PCP4L1: variants seen among roughly 807,000 people sequenced by gnomAD.
PCP4L1 encodes Purkinje cell protein 4 like 1.
Under a neutral mutation model 9.6 loss-of-function variants are expected in PCP4L1, and 9 were observed. The ratio of observed to expected loss-of-function variants is 0.94; its 90% CI spans 0.57 to 1.64. The LOEUF (loss-of-function observed/expected upper bound fraction) is 1.64. Among genes scored for constraint, PCP4L1 ranks in the 40% most tolerant of loss-of-function variants. The pLI is 0.00. For synonymous variants in PCP4L1, 31 were observed against 28.2 expected (o/e 1.10, Z -0.31); for missense variants, 81 against 80.8 (o/e 1.00, Z -0.01).
intron 1 of PCP4L1, among the ~76,000 whole-genome samples, chr1:161,281,730 G>C (rs1335112588): frequency 1.4e-5 from 2 of 141,286 alleles, no homozygotes; most frequent in African/African-American, 2.7e-5. Flanking sequence ...GGGCAGAGAC[G>C]CTCCTCACCT....
chr1:161,276,453 TAGG>T (rs1376489010), intron 1 of PCP4L1, among the ~76,000 whole-genome samples: 21 of 152,134 alleles, frequency 1.4e-4, no homozygotes, highest in African/African-American at 4.6e-4. Context: ...GAGGCTGAGA[TAGG>T]AGGATTGCTT....
At chr1:161,283,833 T>C in intron 2 of PCP4L1, 111 bp downstream of exon 2, 2 of 1,113,368 alleles carry the variant, frequency 1.8e-6, no homozygotes, top group South Asian at 2.9e-5. Context: ...AATAAGAATG[T>C]GGATAAGTGA....
intron 2 of PCP4L1, 70 bp downstream of exon 2, chr1:161,283,792 T>C: frequency 2.1e-6 from 3 of 1,458,090 alleles, no homozygotes; most frequent in South Asian, 2.5e-5. Context: ...GTAGGGTGAG[T>C]CTGGAATTTC....
chr1:161,276,874 C>T (rs4657007), intron 1 of PCP4L1, among the ~76,000 whole-genome samples: 69,563 of 151,790 alleles, frequency 0.46, 16,356 homozygotes, highest in East Asian at 0.64. Context: ...AATACAATAT[C>T]GCATTAGCAT....
intron 1 of PCP4L1, among the ~76,000 whole-genome samples, chr1:161,272,908 C>G (rs560140466): frequency 6.6e-5 from 10 of 152,130 alleles, no homozygotes; most frequent in Admixed American, 6.5e-4. Flanking sequence ...TGTGGTGCTT[C>G]TCTTTCCTGG....
At chr1:161,276,047 G>A (rs768296553) in intron 1 of PCP4L1, among the ~76,000 whole-genome samples, 7 of 151,958 alleles carry the variant, frequency 4.6e-5, no homozygotes, top group Non-Finnish European at 8.8e-5. Context: ...CGCCTGCTTC[G>A]GCCTCCCAAA....
At position 161,258,972 on chromosome 1, in the gene PCP4L1, G is replaced by C; in HGVS notation, c.-3G>C. The C allele has an allele frequency of 6.5e-7, 1 of 1,534,108 alleles. No homozygotes were observed. The highest frequency in any genetic ancestry group is 8.7e-7 in the Non-Finnish European group (1 of 1,145,890). Reference sequence around the variant, plus strand: ...GCCTCGCGCGCCCTGTCCGGCTGCGGAGATGAGCGAGGTGAGCGGTGCGGC... The same window carrying C: ...GCCTCGCGCGCCCTGTCCGGCTGCGCAGATGAGCGAGGTGAGCGGTGCGGC... On this transcript the variant is annotated 5_prime_UTR_variant, in exon 1 of 3. Transcript: ENST00000504449.
chr1:161,279,069 C>G (rs558168159), intron 1 of PCP4L1, among the ~76,000 whole-genome samples: 133 of 152,332 alleles, frequency 8.7e-4, no homozygotes, highest in Non-Finnish European at 1.3e-3. Flanking sequence ...AGGCATGAGC[C>G]ACTGCATCTG....
chr1:161,262,456 A>AG (rs5778201), intron 1 of PCP4L1, among the ~76,000 whole-genome samples: 23 of 150,770 alleles, frequency 1.5e-4, no homozygotes, highest in Admixed American at 2.6e-4. Flanking sequence ...AAAAAAAAAA[A>AG]GAAATGCCTT....
chr1:161,262,268 A>G (rs1349795341), intron 1 of PCP4L1, among the ~76,000 whole-genome samples: 1 of 151,820 alleles, frequency 6.6e-6, no homozygotes, highest in African/African-American at 2.4e-5. Flanking sequence ...CCCCATCTCT[A>G]CTAAAAATAC....
chr1:161,277,843 T>G (rs1669724004), intron 1 of PCP4L1, among the ~76,000 whole-genome samples: 1 of 152,230 alleles, frequency 6.6e-6, no homozygotes, highest in Non-Finnish European at 1.5e-5. Context: ...CCTTCTTCAC[T>G]CTCAGCTGAC....
intron 1 of PCP4L1, among the ~76,000 whole-genome samples, chr1:161,259,905 C>G (rs149360408): frequency 6.6e-6 from 1 of 152,170 alleles, no homozygotes; most frequent in Non-Finnish European, 1.5e-5. Context: ...CAGCTACTTA[C>G]CTGTGATGTA....
intron 1 of PCP4L1, among the ~76,000 whole-genome samples, chr1:161,266,398 C>T (rs1341880980): frequency 1.3e-5 from 2 of 152,218 alleles, no homozygotes; most frequent in Non-Finnish European, 2.9e-5. Flanking sequence ...CCCTAAACCT[C>T]AGTGTGGGGT....
chr1:161,258,875 C>A lies in PCP4L1; in HGVS notation c.-100C>A. 6.6e-7 allele frequency: 1 copy of A among 1,507,188 alleles called. No homozygotes were observed. Among genetic ancestry groups the A allele is most frequent in the Non-Finnish European group, 8.9e-7 (1 of 1,120,918 alleles). The allele number at this position is 1,507,188 out of a possible 1,614,324, so 93.4% of individuals were successfully genotyped here. A position where few individuals can be genotyped will look rare whatever the true frequency, so the allele number is the denominator to read the frequency against. On this transcript the variant is annotated 5_prime_UTR_variant, in exon 1 of 3. Transcript: ENST00000504449. The stretch of plus-strand genomic sequence containing the variant: ...TCTCCTGGTCAGCTGTAACCCCTGC[C>A]GCAGAGCCCGGCAACTTTCAGCTGT...
At chr1:161,275,073 A>T (rs1669676829) in intron 1 of PCP4L1, among the ~76,000 whole-genome samples, 1 of 152,092 alleles carries the variant, frequency 6.6e-6, no homozygotes, top group Non-Finnish European at 1.5e-5. Context: ...TGATCTCCAG[A>T]GAGACTTGGG....
rs569964496 is a variant in PCP4L1 at position 161,282,168 on chromosome 1, C to T, written c.10-1500C>T. Among the ~76,000 whole-genome samples the T allele has an allele frequency of 1.0e-3, 157 of 152,170 alleles. 1 individual carries two copies. Among genetic ancestry groups the T allele is most frequent in the African/African-American group, 3.4e-3 (141 of 41,516 alleles). ...GGGAGGCCGAGGCTGGCGGATCACT[C>T]GCGGTTAGGAGCTGGAGACCAGCCC... On this transcript the variant is annotated intron_variant, in intron 1 of 2. Coordinates refer to ENST00000504449, the MANE Select transcript of PCP4L1 (RefSeq NM_001102566.2).
At chr1:161,271,928 C>T (rs1476365291) in intron 1 of PCP4L1, among the ~76,000 whole-genome samples, 2 of 151,446 alleles carry the variant, frequency 1.3e-5, no homozygotes, top group Admixed American at 6.6e-5. Context: ...ATACCTCAGC[C>T]TCCCGAGTAG....
Position 161,258,833 on chromosome 1 carries a change from C to A in PCP4L1, c.-142C>A. 7.7e-7 allele frequency: 1 copy of A among 1,297,938 alleles called. No homozygotes were observed. The highest frequency in any genetic ancestry group is 1.1e-6 in the Non-Finnish European group (1 of 935,418). The allele number at this position is 1,297,938 out of a possible 1,614,324, so 80.4% of individuals were successfully genotyped here. ...GGGTGCCAGCACCAGAGCAGCGGCT[C>A]TCCGCACTAACTCTCCTCTCCTGGT... On this transcript the variant is annotated 5_prime_UTR_variant, in exon 1 of 3. Coordinates refer to ENST00000504449, the MANE Select transcript of PCP4L1 (RefSeq NM_001102566.2).
chr1:161,258,927 G>A lies in PCP4L1; in HGVS notation c.-48G>A. The stretch of plus-strand genomic sequence containing the variant: ...GCCCGCGGAGCCCCGAGGGCCACTC[G>A]CCTCACCTGTGCGTGCAGCGCCTCG... On this transcript the variant is annotated 5_prime_UTR_variant, in exon 1 of 3. Coordinates refer to ENST00000504449, the MANE Select transcript of PCP4L1 (RefSeq NM_001102566.2). The A allele has an allele frequency of 1.3e-6, 2 of 1,535,166 alleles. No homozygotes were observed. The highest frequency in any genetic ancestry group is 8.7e-7 in the Non-Finnish European group (1 of 1,146,324).
Sources: allele counts gnomAD v4.1 joint callset (sites outside exome capture counted in the v4.1 genomes callset), GRCh38; gene constraint gnomAD v4.1.1; transcripts MANE v1.5; gene names NCBI Gene and HGNC (gene_info 2026-07-23, HGNC 2026-07-21).